SEMG2: variants seen among roughly 807,000 people sequenced by gnomAD.
SEMG2 encodes semenogelin-2.
In SEMG2, 3 loss-of-function variants were observed where a neutral mutation model predicts 8.1. The observed-to-expected ratio is 0.37, with a 90% CI of 0.17 to 0.96. The LOEUF is 0.96. Among genes scored for constraint, SEMG2 ranks in the 40% least tolerant of loss-of-function variants. The probability of loss-of-function intolerance (pLI) is 0.41; values close to 1 mark genes in which losing one functional copy is unlikely to be tolerated. For synonymous variants in SEMG2, 252 were observed against 231.4 expected (o/e 1.09, Z -0.81); for missense variants, 726 against 671.2 (o/e 1.08, Z -0.90).
Position 45,222,590 on chromosome 20 carries a change from G to C in SEMG2, c.958G>C (p.Glu320Gln), listed in dbSNP as rs572541768. The C allele has an allele frequency of 6.2e-7, 1 of 1,614,092 alleles. No homozygotes were observed. Among genetic ancestry groups the C allele is most frequent in the East Asian group, 2.2e-5 (1 of 44,868 alleles). The change falls in exon 2 of 3, where the codon GAG becomes CAG. Residue 320 changes from glutamate (E) to glutamine (Q), a missense_variant. Transcript: ENST00000372769. The part of the protein sequence containing the change: ...SKGSISIQTE[E>Q]KIHGKSQNQV... The stretch of plus-strand genomic sequence containing the variant: ...AGGCAGCATTTCTATCCAAACTGAA[G>C]AGAAAATACATGGCAAGTCTCAAAA...
rs1480102932 is a variant in SEMG2, at chr20:45,222,380, C to A, written c.748C>A (p.Pro250Thr). Reference sequence around the variant, plus strand: ...ACATCAAGACAGACTCCAACATGGACCCAAAGACATTTTTACTACCCAAGA... The same window carrying A: ...ACATCAAGACAGACTCCAACATGGAACCAAAGACATTTTTACTACCCAAGA... ...PAHQDRLQHGPKDIFTTQDEL... is the reference protein window; with the variant it reads ...PAHQDRLQHGTKDIFTTQDEL... The change falls in exon 2 of 3, where the codon CCC (proline) becomes ACC (threonine). Residue 250 changes from proline to threonine, a missense_variant. Pro to Thr is a conservative substitution (Grantham distance 38). Coordinates refer to ENST00000372769, the MANE Select transcript of SEMG2 (RefSeq NM_003008.3). 1 of 1,613,990 alleles carries A rather than the reference C, an allele frequency of 6.2e-7. No homozygotes were observed. Among genetic ancestry groups the A allele is most frequent in the African/African-American group, 1.3e-5 (1 of 74,924 alleles).
Position 45,222,266 on chromosome 20 carries a change from A to C in SEMG2, c.634A>C (p.Asn212His), listed in dbSNP as rs773843253. 5.0e-6 allele frequency: 8 copies of C among 1,613,942 alleles called. No homozygotes were observed. In the African/African-American group the frequency reaches 1.1e-4, roughly 22 times the overall value. Residue 212 changes from asparagine to histidine, a missense_variant, in exon 2 of 3, where the codon AAT (asparagine) becomes CAT (histidine). By Grantham distance (68) the Asn-to-His change is moderately conservative. Coordinates refer to ENST00000372769, the MANE Select transcript of SEMG2 (RefSeq NM_003008.3). ...TAACAAACAACAACGTGAGACTAAA[A>C]ATTCTCATCAAAATAAAGGGCATTA... ...VVNKQQRETK[N>H]SHQNKGHYQN...
In SEMG2 at chr20:45,222,150, A is replaced by C. The variant is rs1160721932; in HGVS notation, c.518A>C (p.Lys173Thr). 5 of 1,614,062 alleles carry C rather than the reference A, an allele frequency of 3.1e-6. No homozygotes were observed. Among genetic ancestry groups the C allele is most frequent in the Non-Finnish European group, 4.2e-6 (5 of 1,180,012 alleles). Residue 173 changes from lysine to threonine, a missense_variant, in exon 2 of 3, where the codon AAA (lysine) becomes ACA (threonine). Physicochemically the swap from Lys to Thr is moderately conservative, Grantham distance 78 (BLOSUM62 -1). Transcript: ENST00000372769. Reference protein sequence around the residue: ...EKRLWVHGLSKEQASASGAQK... With the variant: ...EKRLWVHGLSTEQASASGAQK... ...AGGCTATGGGTTCATGGACTAAGTA[A>C]AGAACAAGCTTCAGCCTCTGGTGCA...
rs1984064198 is a variant in SEMG2, at chr20:45,223,121, CA to C, written c.1492del (p.Ile498LeufsTer4). On this transcript the variant is annotated frameshift_variant, in exon 2 of 3. Coordinates refer to ENST00000372769, the MANE Select transcript of SEMG2 (RefSeq NM_003008.3). LOFTEE classifies it low-confidence loss of function (END_TRUNC). The stretch of plus-strand genomic sequence containing the variant: ...TGTATCCCAAAGCAGTATTTCTTTC[CA>C]AATTGAAAAGCTAGTAGAAGGCAAG... ...KDVSQSSISF[Q>X]IEKLVEGKSQ... 1 of 1,613,976 alleles carries C rather than the reference CA, an allele frequency of 6.2e-7. No individual in the cohort carries two copies. The highest frequency in any genetic ancestry group is 2.2e-5 in the East Asian group (1 of 44,876).
chr20:45,223,289 T>A lies in SEMG2; in HGVS notation c.1657T>A (p.Ser553Thr). The change falls in exon 2 of 3, where the codon TCA (serine) becomes ACA (threonine). Residue 553 changes from serine (S) to threonine (T), a missense_variant. Transcript: ENST00000372769. Reference sequence around the variant, plus strand: ...CAGATACAAACAGGAATCCAGTGAGTCACATAATATTGTAATTACTGAGCA... The same window carrying A: ...CAGATACAAACAGGAATCCAGTGAGACACATAATATTGTAATTACTGAGCA... ...KGRYKQESSESHNIVITEHEV... is the reference protein window; with the variant it reads ...KGRYKQESSETHNIVITEHEV... 6.2e-7 allele frequency: 1 copy of A among 1,614,102 alleles called. No homozygotes were observed. The highest frequency in any genetic ancestry group is 2.2e-5 in the East Asian group (1 of 44,870).
chr20:45,222,131 T>A lies in SEMG2; in HGVS notation c.499T>A (p.Trp167Arg). The stretch of plus-strand genomic sequence containing the variant: ...ATGTTCAAACACAGAAAAAAGGCTA[T>A]GGGTTCATGGACTAAGTAAAGAACA... ...SQCSNTEKRL[W>R]VHGLSKEQAS... The change falls in exon 2 of 3, where the codon TGG becomes AGG. Residue 167 changes from tryptophan to arginine, a missense_variant. Transcript: ENST00000372769. The A allele has an allele frequency of 6.2e-7, 1 of 1,613,930 alleles. No homozygotes were observed.
rs1367070011 is a variant in SEMG2, at chr20:45,222,781, T to C, written c.1149T>C (p.His383=). 4.3e-6 allele frequency: 7 copies of C among 1,613,956 alleles called. No homozygotes were observed. The highest frequency in any genetic ancestry group is 5.9e-6 in the Non-Finnish European group (7 of 1,179,978). The change falls in exon 2 of 3, where the codon CAT becomes CAC. Residue 383 remains histidine (H), a synonymous_variant. Coordinates refer to ENST00000372769, the MANE Select transcript of SEMG2 (RefSeq NM_003008.3). ...SISIQTEEQI[H]GKSQNQVRIP... ...CGATCCAAACTGAAGAGCAAATACA[T>C]GGCAAGTCTCAAAACCAGGTAAGAA...
At chr20:45,221,538 C>G (rs1460658949) in intron 1 of SEMG2, 73 bp downstream of exon 1, 2 of 1,538,284 alleles carry the variant, frequency 1.3e-6, no homozygotes, top group African/African-American at 2.7e-5. Context: ...AGGGTGCAAA[C>G]AGTAACCTGT....
chr20:45,223,406 A>C lies in SEMG2; in HGVS notation c.*25A>C. Reference sequence around the variant, plus strand: ...GCCCTGTTGCTTAGCAACCACTTGAAAAGCTGGACCAATAGCAAGGTAAGT... The same window carrying C: ...GCCCTGTTGCTTAGCAACCACTTGACAAGCTGGACCAATAGCAAGGTAAGT... On this transcript the variant is annotated 3_prime_UTR_variant, in exon 2 of 3. Transcript: ENST00000372769. 2 of 1,532,336 alleles carry C rather than the reference A, an allele frequency of 1.3e-6. No homozygotes were observed. The highest frequency in any genetic ancestry group is 1.8e-5 in the Admixed American group (1 of 56,102). The allele number at this position is 1,532,336 out of a possible 1,614,324, so 94.9% of individuals were successfully genotyped here.
rs1984055519 is a variant in SEMG2, at chr20:45,222,852, C to T, written c.1220C>T (p.Ser407Leu). 1 of 1,613,930 alleles carries T rather than the reference C, an allele frequency of 6.2e-7. No homozygotes were observed. Among genetic ancestry groups the T allele is most frequent in the Non-Finnish European group, 8.5e-7 (1 of 1,179,954 alleles). ...TATGGCCATAAGGAAAATAAAATAT[C>T]ATACCAATCTTCGAGTACAGAAGAA... Reference protein sequence around the residue: ...QEYGHKENKISYQSSSTEERR... With the variant: ...QEYGHKENKILYQSSSTEERR... The change falls in exon 2 of 3, where the codon TCA becomes TTA. Residue 407 changes from serine to leucine, a missense_variant. Physicochemically the swap from Ser to Leu is moderately radical, Grantham distance 145. Transcript: ENST00000372769.
At chr20:45,221,646 G>C (rs1178756589) in intron 1 of SEMG2, 63 bp from the exon 2 acceptor site, 3 of 1,440,660 alleles carry the variant, frequency 2.1e-6, no homozygotes, top group Non-Finnish European at 2.8e-6. Context: ...AAAGGTGGGA[G>C]GTAAGAGTTG....
rs144708311 is a variant in SEMG2 at position 45,222,882 on chromosome 20, G to C, written c.1250G>C (p.Arg417Pro). 2.5e-6 allele frequency: 4 copies of C among 1,609,190 alleles called. No individual in the cohort carries two copies. In the Middle Eastern group the frequency reaches 5.0e-4, roughly 200 times the overall value. Reference protein sequence around the residue: ...SYQSSSTEERRLNSGEKDVQK... With the variant: ...SYQSSSTEERPLNSGEKDVQK... ...CAATCTTCGAGTACAGAAGAAAGACGTCTCAACAGTGGAGAAAAGGATGTA... is the reference window on the plus strand; with the variant it reads ...CAATCTTCGAGTACAGAAGAAAGACCTCTCAACAGTGGAGAAAAGGATGTA... The change falls in exon 2 of 3, where the codon CGT becomes CCT. Residue 417 changes from arginine to proline, a missense_variant. Coordinates refer to ENST00000372769, the MANE Select transcript of SEMG2 (RefSeq NM_003008.3).
chr20:45,221,529 G>A (rs1281961197), intron 1 of SEMG2, 64 bp downstream of exon 1: 1 of 1,578,200 alleles, frequency 6.3e-7, no homozygotes, highest in Admixed American at 1.7e-5. Context: ...AGGATATTCA[G>A]GGTGCAAACA....
chr20:45,221,598 C>T (rs1309899001), intron 1 of SEMG2, 111 bp from the exon 2 acceptor site: 15 of 1,387,858 alleles, frequency 1.1e-5, no homozygotes, highest in Admixed American at 4.2e-5. Flanking sequence ...CTCCACCCAA[C>T]GCTGTAGGCT....
chr20:45,222,494 T>C lies in SEMG2; in HGVS notation c.862T>C (p.Tyr288His), dbSNP rs753031344. The C allele has an allele frequency of 1.9e-6, 3 of 1,613,928 alleles. No individual in the cohort carries two copies. The highest frequency in any genetic ancestry group is 2.5e-6 in the Non-Finnish European group (3 of 1,179,976). The change falls in exon 2 of 3, where the codon TAC becomes CAC. Residue 288 changes from tyrosine (Y) to histidine (H), a missense_variant. Tyr to His is a moderately conservative substitution (Grantham distance 83). Transcript: ENST00000372769. ...TGGCCGGAAGGCACATAAAATATCA[T>C]ACCCGTCTTCACGTACAGAAGAAAG... ...EHGRKAHKIS[Y>H]PSSRTEERQL... is the part of the protein sequence containing the mutation.
intron 1 of SEMG2, 89 bp downstream of exon 1, chr20:45,221,554 C>A: frequency 6.8e-7 from 1 of 1,465,458 alleles, no homozygotes. Context: ...CCTGTTCAGG[C>A]ACAGATTCTT....
Position 45,222,977 on chromosome 20 carries a change from C to A in SEMG2, c.1345C>A (p.Gln449Lys). 6.2e-7 allele frequency: 1 copy of A among 1,614,040 alleles called. No individual in the cohort carries two copies. The highest frequency in any genetic ancestry group is 8.5e-7 in the Non-Finnish European group (1 of 1,179,988). The part of the protein sequence containing the change: ...EEKIHGKSQN[Q>K]VTIPSQDQEH... ...GAAAATACATGGCAAGTCTCAAAAC[C>A]AGGTAACAATTCCTAGTCAAGATCA... Residue 449 changes from glutamine (Q) to lysine (K), a missense_variant, in exon 2 of 3, where the codon CAG (glutamine) becomes AAG (lysine). Gln to Lys is a moderately conservative substitution (Grantham distance 53, BLOSUM62 1). Coordinates refer to ENST00000372769, the MANE Select transcript of SEMG2 (RefSeq NM_003008.3).
chr20:45,223,403 T>C lies in SEMG2; in HGVS notation c.*22T>C. ...ATAGCCCTGTTGCTTAGCAACCACT[T>C]GAAAAGCTGGACCAATAGCAAGGTA... is the stretch of plus-strand genomic sequence containing the variant. On this transcript the variant is annotated 3_prime_UTR_variant, in exon 2 of 3. Coordinates refer to ENST00000372769, the MANE Select transcript of SEMG2 (RefSeq NM_003008.3). 4 of 1,549,122 alleles carry C rather than the reference T, an allele frequency of 2.6e-6. No individual in the cohort carries two copies. The South Asian group carries it at 4.7e-5, about 18-fold the overall frequency.
chr20:45,223,837 A>C (rs1286288885), intron 2 of SEMG2, among the ~76,000 whole-genome samples: 1 of 152,192 alleles, frequency 6.6e-6, no homozygotes. Flanking sequence ...TTCTGCACAT[A>C]CATGAATGTT....
Sources: gnomAD v4.1 joint callset for allele counts (sites outside exome capture counted in the v4.1 genomes callset) on GRCh38, gnomAD v4.1.1 for gene constraint, MANE v1.5 for transcripts, NCBI Gene and HGNC (gene_info 2026-07-23, HGNC 2026-07-21) for gene names.